The following AFF1 variants were observed in gnomAD, a reference collection of about 807,000 sequenced individuals.
The protein encoded by AFF1 is AF4/FMR2 family member 1.
A neutral mutation model predicts 121.7 loss-of-function variants in AFF1; 48 were observed. The observed-to-expected ratio is 0.39, with a 90% CI of 0.31 to 0.50. The LOEUF (loss-of-function observed/expected upper bound fraction) is 0.50, where lower values mean the gene tolerates loss of function less well. Among genes scored for constraint, AFF1 ranks in the 20% least tolerant of loss-of-function variants. The pLI is 0.76. For synonymous variants in AFF1, 613 were observed against 563.0 expected (o/e 1.09, Z -1.26); for missense variants, 1,523 against 1,511.7 (o/e 1.01, Z -0.12).
chr4:87,012,387 T>C (rs1726867589), intron 2 of AFF1, among the ~76,000 whole-genome samples: 1 of 152,128 alleles, frequency 6.6e-6, no homozygotes, highest in Non-Finnish European at 1.5e-5. Context: ...AATATGCACC[T>C]CTAGGACAAA....
At chr4:87,007,443 A>G (rs752617486) in intron 2 of AFF1, 12 of 1,613,998 alleles carry the variant, frequency 7.4e-6, no homozygotes, top group African/African-American at 1.3e-5. Context: ...TGCACCGGAG[A>G]AACTTTTCAA....
At chr4:87,012,484 C>T (rs531509739) in intron 2 of AFF1, among the ~76,000 whole-genome samples, 3 of 152,162 alleles carry the variant, frequency 2.0e-5, no homozygotes, top group East Asian at 1.9e-4. Flanking sequence ...GGTTCAGTTA[C>T]GTTTTATTGA....
At chr4:86,936,083 C>T (rs1240851179) in intron 1 of AFF1, 2 of 152,210 alleles carry the variant, frequency 1.3e-5, no homozygotes, top group East Asian at 3.9e-4. Flanking sequence ...GCTTCTCCAC[C>T]ACCAGCACCC....
chr4:87,051,153 T>C (rs1731220622), intron 4 of AFF1, among the ~76,000 whole-genome samples: 1 of 152,214 alleles, frequency 6.6e-6, no homozygotes, highest in Non-Finnish European at 1.5e-5. Context: ...AAATAAGGTC[T>C]TAAAGGGTAA....
intron 4 of AFF1, among the ~76,000 whole-genome samples, chr4:87,050,872 C>A (rs767198836): frequency 6.6e-6 from 1 of 152,178 alleles, no homozygotes; most frequent in Non-Finnish European, 1.5e-5. Flanking sequence ...TTATATCGTT[C>A]TTTTCTGTCT....
intron 1 of AFF1, among the ~76,000 whole-genome samples, chr4:86,948,234 C>A (rs1183167559): frequency 6.6e-6 from 1 of 151,828 alleles, no homozygotes; most frequent in East Asian, 1.9e-4. Context: ...TTCCTTTTCT[C>A]CTCCCCCTCC....
chr4:87,102,390 C>T (rs1412991758), intron 8 of AFF1, among the ~76,000 whole-genome samples: 1 of 102,120 alleles, frequency 9.8e-6, no homozygotes, highest in Non-Finnish European at 2.3e-5. Context: ...AAATCAAAGT[C>T]TCTCTCTTGG....
At chr4:87,126,624 C>T (rs1469185665) in intron 14 of AFF1, among the ~76,000 whole-genome samples, 1 of 152,148 alleles carries the variant, frequency 6.6e-6, no homozygotes, top group Non-Finnish European at 1.5e-5. Flanking sequence ...GAAATAGTTA[C>T]CCTGTGTAGT....
chr4:87,063,228 C>CTTTTTTTTTTTTTTTTTTTTTTTTTTTT (rs569577993), intron 4 of AFF1, among the ~76,000 whole-genome samples: 10 of 44,436 alleles, frequency 2.3e-4, no homozygotes, highest in Non-Finnish European at 2.5e-4. Context: ...AGATTCACCT[C>CTTTTTTTTTTTTTTTTTTTTTTTTTTTT]TTTTTTTTTT....
At chr4:87,077,734 T>C (rs568527663) in intron 4 of AFF1, among the ~76,000 whole-genome samples, 13 of 152,338 alleles carry the variant, frequency 8.5e-5, no homozygotes, top group African/African-American at 3.1e-4. Flanking sequence ...TGGCATATAA[T>C]GCATCTTTTT....
intron 8 of AFF1, among the ~76,000 whole-genome samples, chr4:87,098,860 T>TG (rs1236741222): frequency 6.6e-6 from 1 of 152,228 alleles, no homozygotes; most frequent in Non-Finnish European, 1.5e-5. Context: ...GAAAGACTGT[T>TG]GCCAAGTTAG....
At chr4:87,069,087 G>GC (rs746271262) in intron 4 of AFF1, among the ~76,000 whole-genome samples, 39 of 151,978 alleles carry the variant, frequency 2.6e-4, no homozygotes, top group South Asian at 8.3e-4. Context: ...CTTTTCTTTT[G>GC]CCCCCCTGTG....
In AFF1 at chr4:87,139,736, G is replaced by T. The variant is rs1367438446; in HGVS notation, c.*4035G>T. On this transcript the variant is annotated 3_prime_UTR_variant, in exon 21 of 21. Coordinates refer to ENST00000395146, the MANE Select transcript of AFF1 (RefSeq NM_001166693.3). ...TTGTGTCATTCTATTGGAAGGAGGT[G>T]TAACGGCAGAATAGCATCGTGTTGG... is the stretch of plus-strand genomic sequence containing the variant. 4.4e-6 allele frequency: 1 copy of T among 227,354 alleles called. No individual in the cohort carries two copies. Among genetic ancestry groups the T allele is most frequent in the Non-Finnish European group, 8.7e-6 (1 of 114,520 alleles). The allele number at this position is 227,354 out of a possible 1,614,324, so 14.1% of individuals were successfully genotyped here.
At chr4:87,087,117 G>A (rs1477981900) in intron 5 of AFF1, among the ~76,000 whole-genome samples, 8 of 152,154 alleles carry the variant, frequency 5.3e-5, no homozygotes. Context: ...GTATCTTGGG[G>A]GATTAATGTG....
chr4:87,123,011 A>G (rs934284547), intron 12 of AFF1, among the ~76,000 whole-genome samples: 1 of 151,724 alleles, frequency 6.6e-6, no homozygotes, highest in Non-Finnish European at 1.5e-5. Flanking sequence ...TCTTGGCCTC[A>G]GCTTCCTGAG....
intron 12 of AFF1, among the ~76,000 whole-genome samples, chr4:87,119,964 A>G (rs1229602412): frequency 1.3e-5 from 2 of 152,134 alleles, no homozygotes; most frequent in Non-Finnish European, 2.9e-5. Context: ...TTCTTGGGTT[A>G]TTGCTCCAGA....
chr4:86,938,086 T>A (rs1720172946), intron 1 of AFF1, among the ~76,000 whole-genome samples: 1 of 152,180 alleles, frequency 6.6e-6, no homozygotes, highest in Non-Finnish European at 1.5e-5. Context: ...TTCCTTTATT[T>A]CAAGGCTCTA....
At chr4:87,012,644 C>A (rs1011338481) in intron 2 of AFF1, among the ~76,000 whole-genome samples, 4 of 152,300 alleles carry the variant, frequency 2.6e-5, no homozygotes, top group South Asian at 4.1e-4. Flanking sequence ...TTCATTTGCT[C>A]ATTTGCTCAA....
At position 87,007,434 on chromosome 4, in the gene AFF1, G is replaced by A. The variant is rs188508955; in HGVS notation, c.39-38732G>A. ...TGGCAGCCCAGTCAAGGTAAGCCGT[G>A]CACCGGAGAAACTTTTCAAACGCGT... On this transcript the variant is annotated intron_variant, in intron 2 of 20. Transcript: ENST00000395146. 1.5e-3 allele frequency: 2,442 copies of A among 1,614,112 alleles called. 2 individuals are homozygous for A. The highest frequency in any genetic ancestry group is 1.9e-3 in the Non-Finnish European group (2,203 of 1,179,998).
Sources: gnomAD v4.1 joint callset for allele counts (sites outside exome capture counted in the v4.1 genomes callset) on GRCh38, gnomAD v4.1.1 for gene constraint, MANE v1.5 for transcripts, NCBI Gene and HGNC (gene_info 2026-07-23, HGNC 2026-07-21) for gene names.